PTPDC1: variants seen among roughly 807,000 people sequenced by gnomAD.
The protein encoded by PTPDC1 is protein tyrosine phosphatase domain containing 1.
PTPDC1 carries 53 observed loss-of-function variants against 75.3 expected under a neutral mutation model. The ratio of observed to expected loss-of-function variants is 0.70; its 90% CI spans 0.56 to 0.88. The LOEUF (loss-of-function observed/expected upper bound fraction) is 0.88, where lower values mean the gene tolerates loss of function less well. Ranked by LOEUF, PTPDC1 falls within the 40% of genes least tolerant of loss-of-function variation. The pLI is 0.00. For synonymous variants in PTPDC1, 349 were observed against 366.2 expected (o/e 0.95, Z 0.54); for missense variants, 925 against 998.6 (o/e 0.93, Z 0.99).
chr9:94,069,048 A>T (rs143274614), intron 2 of PTPDC1, among the ~76,000 whole-genome samples: 1 of 151,952 alleles, frequency 6.6e-6, no homozygotes, highest in Non-Finnish European at 1.5e-5. Context: ...AGCTCATTTT[A>T]TTCTCTTCTT....
In PTPDC1 at chr9:94,104,292, T is replaced by G; in HGVS notation, c.2217T>G (p.Ile739Met). The change falls in exon 8 of 9, where the codon ATT (isoleucine) becomes ATG (methionine). Residue 739 changes from isoleucine (I) to methionine (M), a missense_variant. Coordinates refer to ENST00000620992, the MANE Select transcript of PTPDC1 (RefSeq NM_001253829.2). Reference protein sequence around the residue: ...FLLEKGQHQTILCVLHCIVNL... With the variant: ...FLLEKGQHQTMLCVLHCIVNL... ...AAAAACAGGGACAGCACCAGACTAT[T>G]CTCTGCGTGTTGCACTGCATAGTGA... 6.2e-7 allele frequency: 1 copy of G among 1,613,526 alleles called. No homozygotes were observed. The highest frequency in any genetic ancestry group is 8.5e-7 in the Non-Finnish European group (1 of 1,179,564).
intron 1 of PTPDC1, among the ~76,000 whole-genome samples, chr9:94,051,206 T>C (rs1041317572): frequency 2.0e-5 from 3 of 152,292 alleles, no homozygotes; most frequent in South Asian, 4.1e-4. Context: ...CTGGGTGCGC[T>C]GCACCCACTG....
intron 1 of PTPDC1, among the ~76,000 whole-genome samples, chr9:94,044,443 T>G (rs928938656): frequency 6.6e-6 from 1 of 152,222 alleles, no homozygotes; most frequent in African/African-American, 2.4e-5. Context: ...TTCTTCCTGA[T>G]GCTCTTCCTC....
chr9:94,097,600 TA>T lies in PTPDC1; in HGVS notation c.1035del (p.Val346PhefsTer8). The T allele has an allele frequency of 6.2e-7, 1 of 1,614,012 alleles. No homozygotes were observed. Among genetic ancestry groups the T allele is most frequent in the Non-Finnish European group, 8.5e-7 (1 of 1,180,048 alleles). ...AAACACGTGCCAAAAATTATCCACC[TA>T]GTTTGCAAATTGCTGCTGGACTTAG... is the stretch of plus-strand genomic sequence containing the variant. ...LLKHVPKIIH[L>X]VCKLLLDLAE... On this transcript the variant is annotated frameshift_variant, in exon 6 of 9. Transcript: ENST00000620992. LOFTEE classifies it high-confidence loss of function.
chr9:94,101,695 G>A lies in PTPDC1; in HGVS notation c.2143G>A (p.Asp715Asn). Residue 715 changes from aspartate (D) to asparagine (N), a missense_variant, in exon 7 of 9, where the codon GAC becomes AAC. Transcript: ENST00000620992. Reference sequence around the variant, plus strand: ...GCCTGTAATCACCAAAGAGGATGTGGACATGTTGGTTGACAGGCGAGCAGA... The same window carrying A: ...GCCTGTAATCACCAAAGAGGATGTGAACATGTTGGTTGACAGGCGAGCAGA... ...KEPVITKEDV[D>N]MLVDRRADAA... 3.1e-6 allele frequency: 5 copies of A among 1,613,246 alleles called. No individual in the cohort carries two copies. Among genetic ancestry groups the A allele is most frequent in the Non-Finnish European group, 4.2e-6 (5 of 1,179,484 alleles).
At chr9:94,097,224 A>T in intron 5 of PTPDC1, 97 bp from the exon 6 acceptor site, 1 of 810,240 alleles carries the variant, frequency 1.2e-6, no homozygotes, top group Non-Finnish European at 2.0e-6. Context: ...ATGGTTTCTT[A>T]ACACATATTC....
chr9:94,089,146 G>A (rs1827187837), intron 4 of PTPDC1, among the ~76,000 whole-genome samples: 1 of 143,954 alleles, frequency 6.9e-6, no homozygotes, highest in African/African-American at 2.6e-5. Context: ...AGTTACATAT[G>A]TATACATGTG....
chr9:94,045,993 C>A (rs1825587929), intron 1 of PTPDC1, among the ~76,000 whole-genome samples: 1 of 152,216 alleles, frequency 6.6e-6, no homozygotes. Context: ...ACATTTAAGT[C>A]TTTAATCCAT....
chr9:94,091,018 C>T (rs532147891), intron 4 of PTPDC1, among the ~76,000 whole-genome samples: 27 of 152,100 alleles, frequency 1.8e-4, no homozygotes, highest in Non-Finnish European at 2.2e-4. Flanking sequence ...ACAATCATGT[C>T]GTCTGCAAAC....
chr9:94,056,811 C>G (rs923859474), intron 1 of PTPDC1, among the ~76,000 whole-genome samples: 1 of 152,094 alleles, frequency 6.6e-6, no homozygotes, highest in South Asian at 2.1e-4. Context: ...CCTGCACTTA[C>G]GTTTTAAGTA....
intron 1 of PTPDC1, among the ~76,000 whole-genome samples, chr9:94,056,522 C>T (rs1260799525): frequency 1.3e-5 from 2 of 152,148 alleles, no homozygotes; most frequent in Non-Finnish European, 2.9e-5. Flanking sequence ...AATCCTGGTG[C>T]ATTCCAGAGT....
chr9:94,074,476 C>T (rs1826614610), intron 2 of PTPDC1, among the ~76,000 whole-genome samples: 1 of 152,180 alleles, frequency 6.6e-6, no homozygotes, highest in Non-Finnish European at 1.5e-5. Context: ...TGCTTTGTTT[C>T]TGCAAGGTGT....
In PTPDC1 at chr9:94,095,466, G is replaced by A. The variant is rs1827529753; in HGVS notation, c.754+12G>A. 6.2e-7 allele frequency: 1 copy of A among 1,600,628 alleles called. No homozygotes were observed. The highest frequency in any genetic ancestry group is 1.3e-5 in the African/African-American group (1 of 74,270). On this transcript the variant is annotated intron_variant, in intron 5 of 8. Transcript: ENST00000620992. ...GCTTGGTCGAACAGGTAGGTCCTAA[G>A]AGGTGGTTTATTGCCTGTAGGCATA...
In PTPDC1 at chr9:94,039,394, G is replaced by A. The variant is rs549360600; in HGVS notation, c.-7+8267G>A. 5.9e-5 allele frequency among the ~76,000 whole-genome samples: 9 copies of A among 152,204 alleles called. 1 individual carries two copies. In the Middle Eastern group the frequency reaches 0.01, roughly 173 times the overall value. ...GTGTTTTAAAATGTAGCATGAAAGT[G>A]TATTCCTAAAAATGTATGTAATAGT... On this transcript the variant is annotated intron_variant, in intron 1 of 9. Coordinates refer to the PTPDC1 transcript ENST00000375360.
chr9:94,075,673 C>T (rs1245439823), intron 2 of PTPDC1, among the ~76,000 whole-genome samples: 1 of 152,094 alleles, frequency 6.6e-6, no homozygotes. Context: ...CAGAGTCTTC[C>T]TATGTTTATC....
chr9:94,056,909 A>G (rs1825957163), intron 1 of PTPDC1, among the ~76,000 whole-genome samples: 1 of 152,208 alleles, frequency 6.6e-6, no homozygotes, highest in Non-Finnish European at 1.5e-5. Context: ...TGTAGGACTG[A>G]GTGAGAAAAA....
At chr9:94,036,988 C>T (rs1044449812) in intron 1 of PTPDC1, among the ~76,000 whole-genome samples, 1 of 152,196 alleles carries the variant, frequency 6.6e-6, no homozygotes. Context: ...TGAGCACTTA[C>T]TATGTGCCAG....
chr9:94,081,316 G>A (rs1826876017), upstream of PTPDC1, among the ~76,000 whole-genome samples: 1 of 152,082 alleles, frequency 6.6e-6, no homozygotes, highest in Non-Finnish European at 1.5e-5. Flanking sequence ...TGTAACTTTT[G>A]TAACTTTTCT....
chr9:94,082,939 G>A (rs1236841763), upstream of PTPDC1, among the ~76,000 whole-genome samples: 2 of 152,160 alleles, frequency 1.3e-5, no homozygotes, highest in Non-Finnish European at 2.9e-5. Context: ...GTAGTTGAAA[G>A]CAGTTACTTT....
Sources: allele counts gnomAD v4.1 joint callset (sites outside exome capture counted in the v4.1 genomes callset), GRCh38; gene constraint gnomAD v4.1.1; transcripts MANE v1.5; gene names NCBI Gene and HGNC (gene_info 2026-07-23, HGNC 2026-07-21).